The following PSMD11 variants were observed in gnomAD, a reference collection of about 807,000 sequenced individuals.
PSMD11 encodes the protein proteasome 26S subunit, non-ATPase 11, also known as 26S proteasome non-ATPase regulatory subunit 11.
A neutral mutation model predicts 62.3 loss-of-function variants in PSMD11; 5 were observed. That is an observed-to-expected ratio of 0.08 (90% confidence interval 0.04 to 0.17). The LOEUF (loss-of-function observed/expected upper bound fraction) is 0.17. PSMD11 is among the 10% of genes least tolerant of loss of function. The probability of loss-of-function intolerance (pLI) is 1.00; values close to 1 mark genes in which losing one functional copy is unlikely to be tolerated. For missense variants in PSMD11, 310 were observed against 512.9 expected, an observed-to-expected ratio of 0.60 and a Z score of 3.82; for synonymous variants, 191 against 191.8, an observed-to-expected ratio of 1.00 and a Z score of 0.03.
intron 6 of PSMD11, 82 bp downstream of exon 6, chr17:32,469,275 G>A (rs1408658767): frequency 1.8e-5 from 25 of 1,414,134 alleles, no homozygotes; most frequent in Admixed American, 2.4e-5. Flanking sequence ...GGTTGGGGCT[G>A]GAGAATAAAA....
At position 32,454,724 on chromosome 17, in the gene PSMD11, G is replaced by T. The variant is rs1005296702; in HGVS notation, c.318+105G>T. Reference sequence around the variant, plus strand: ...GTACTAATGTGGAAGGGAAAACTGGGAGGACAGCGCAGGACTTATCATGTC... The same window carrying T: ...GTACTAATGTGGAAGGGAAAACTGGTAGGACAGCGCAGGACTTATCATGTC... On this transcript the variant is annotated intron_variant, in intron 3 of 13. Coordinates refer to ENST00000261712, the MANE Select transcript of PSMD11 (RefSeq NM_002815.4). 8.7e-6 allele frequency: 11 copies of T among 1,261,370 alleles called. 1 individual carries two copies. In the Admixed American group the frequency reaches 1.8e-4, roughly 21 times the overall value. 78.1% of individuals were successfully genotyped at this position (1,261,370 alleles called of 1,614,324 possible).
At chr17:32,457,583 A>G (rs1045865495) in intron 3 of PSMD11, among the ~76,000 whole-genome samples, 1 of 152,126 alleles carries the variant, frequency 6.6e-6, no homozygotes, top group Non-Finnish European at 1.5e-5. Flanking sequence ...ATCATGAACC[A>G]GAGTCTTATT....
At chr17:32,448,322 G>C (rs1907389404) in intron 2 of PSMD11, among the ~76,000 whole-genome samples, 1 of 151,802 alleles carries the variant, frequency 6.6e-6, no homozygotes, top group South Asian at 2.1e-4. Flanking sequence ...GCTATAAAAA[G>C]AACCATCCAT....
chr17:32,444,514 G>C lies in PSMD11; in HGVS notation c.-10G>C. The stretch of plus-strand genomic sequence containing the variant: ...GCGGCCGCGGCCGGGGACGGTGTGA[G>C]AGCGGTAAGATGGCGGCGGCGGCGG... On this transcript the variant is annotated 5_prime_UTR_variant, in exon 1 of 14. Coordinates refer to ENST00000261712, the MANE Select transcript of PSMD11 (RefSeq NM_002815.4). 6.3e-7 allele frequency: 1 copy of C among 1,587,170 alleles called. No individual in the cohort carries two copies. Among genetic ancestry groups the C allele is most frequent in the Non-Finnish European group, 8.6e-7 (1 of 1,167,844 alleles).
At chr17:32,470,210 G>T (rs919844509) in intron 6 of PSMD11, among the ~76,000 whole-genome samples, 7 of 151,778 alleles carry the variant, frequency 4.6e-5, no homozygotes, top group African/African-American at 1.7e-4. Context: ...TCGCCATGTT[G>T]CCCAGACTGG....
chr17:32,476,627 T>C (rs149233675), intron 8 of PSMD11: 20 of 152,348 alleles, frequency 1.3e-4, no homozygotes, highest in African/African-American at 4.8e-4. Context: ...CCCAGAAAGA[T>C]GAGTGTTGCA....
intron 2 of PSMD11, among the ~76,000 whole-genome samples, chr17:32,450,473 G>A (rs1907461050): frequency 6.7e-6 from 1 of 148,226 alleles, no homozygotes; most frequent in African/African-American, 2.5e-5. Flanking sequence ...CACCATGTTG[G>A]CCAGGCTGGT....
chr17:32,465,245 T>C (rs1188837939), intron 5 of PSMD11, among the ~76,000 whole-genome samples: 2 of 152,154 alleles, frequency 1.3e-5, no homozygotes, highest in Non-Finnish European at 2.9e-5. Context: ...TTTAGCCTCC[T>C]GAGTAGCTGG....
intron 1 of PSMD11, chr17:32,445,663 A>G (rs1187200855): frequency 1.3e-5 from 2 of 152,212 alleles, no homozygotes; most frequent in African/African-American, 4.8e-5. Context: ...GTTTGGGAAG[A>G]TCTGAATTGG....
chr17:32,464,388 G>A (rs577612654), intron 4 of PSMD11, 133 bp from the exon 5 acceptor site: 49 of 769,700 alleles, frequency 6.4e-5, no homozygotes, highest in Non-Finnish European at 9.1e-5. Flanking sequence ...TGGCTAGATC[G>A]TCTCTTATGC....
chr17:32,454,470 T>G lies in PSMD11; in HGVS notation c.194-25T>G, dbSNP rs753187420. The G allele has an allele frequency of 5.0e-6, 8 of 1,609,628 alleles. No homozygotes were observed. The Admixed American group carries it at 1.4e-4, about 27-fold the overall frequency. Reference sequence around the variant, plus strand: ...TGTCTCAAATGTTGATGTTTACTCCTCTTTTTGAATTGCCTTTCCTACAGA... The same window carrying G: ...TGTCTCAAATGTTGATGTTTACTCCGCTTTTTGAATTGCCTTTCCTACAGA... On this transcript the variant is annotated intron_variant, in intron 2 of 13. Transcript: ENST00000261712.
intron 9 of PSMD11, among the ~76,000 whole-genome samples, chr17:32,478,408 A>G (rs1391907585): frequency 6.6e-6 from 1 of 152,178 alleles, no homozygotes; most frequent in African/African-American, 2.4e-5. Context: ...AGCTGACATG[A>G]GGCTGGGATG....
intron 3 of PSMD11, among the ~76,000 whole-genome samples, chr17:32,461,242 T>A (rs1257546343): frequency 6.6e-6 from 1 of 151,988 alleles, no homozygotes; most frequent in Non-Finnish European, 1.5e-5. Flanking sequence ...CACACCCTGC[T>A]AATTTTTTGT....
chr17:32,473,322 G>A (rs1908225896), intron 6 of PSMD11, among the ~76,000 whole-genome samples: 1 of 151,442 alleles, frequency 6.6e-6, no homozygotes, highest in African/African-American at 2.4e-5. Flanking sequence ...TGTTGCCCAG[G>A]CTGGAGTGCA....
chr17:32,444,889 C>T, intron 1 of PSMD11: 1 of 514,656 alleles, frequency 1.9e-6, no homozygotes, highest in Non-Finnish European at 3.4e-6. Context: ...GCCGGGCCCC[C>T]GGGGATCCCT....
intron 3 of PSMD11, 37 bp downstream of exon 3, chr17:32,454,656 A>G: frequency 6.2e-7 from 1 of 1,601,188 alleles, no homozygotes; most frequent in Non-Finnish European, 8.5e-7. Flanking sequence ...GACAATATGG[A>G]GAAAAGTTTG....
In PSMD11 at chr17:32,474,552, A is replaced by G. The variant is rs192606232; in HGVS notation, c.789-212A>G. Among the ~76,000 whole-genome samples the G allele has an allele frequency of 2.0e-3, 305 of 152,140 alleles. 2 individuals are homozygous for G. The highest frequency in any genetic ancestry group is 6.7e-3 in the African/African-American group (276 of 41,490). On this transcript the variant is annotated intron_variant, in intron 7 of 13. Transcript: ENST00000261712. Reference sequence around the variant, plus strand: ...GTTCAGTTCAGCTTTCTAACATTGGAGTTTTTCTACTCTTCAGGCTGAGCT... The same window carrying G: ...GTTCAGTTCAGCTTTCTAACATTGGGGTTTTTCTACTCTTCAGGCTGAGCT...
At chr17:32,465,272 C>T (rs1230011851) in intron 5 of PSMD11, among the ~76,000 whole-genome samples, 2 of 152,074 alleles carry the variant, frequency 1.3e-5, no homozygotes, top group Non-Finnish European at 2.9e-5. Flanking sequence ...AGGCATGTGC[C>T]TGGCTAATTT....
Position 32,468,980 on chromosome 17 carries a change from A to C in PSMD11, c.449-19A>C. The C allele has an allele frequency of 6.2e-7, 1 of 1,610,132 alleles. No individual in the cohort carries two copies. Among genetic ancestry groups the C allele is most frequent in the Non-Finnish European group, 8.5e-7 (1 of 1,178,046 alleles). On this transcript the variant is annotated intron_variant, in intron 5 of 13. Coordinates refer to ENST00000261712, the MANE Select transcript of PSMD11 (RefSeq NM_002815.4). ...ATTAAGCTGATGGCTATAAAGGAGA[A>C]TGTCTTTTCCTTTTTCAGGTTCTCA... is the stretch of plus-strand genomic sequence containing the variant.
Sources: gnomAD v4.1 joint callset for allele counts (sites outside exome capture counted in the v4.1 genomes callset) on GRCh38, gnomAD v4.1.1 for gene constraint, MANE v1.5 for transcripts, NCBI Gene and HGNC (gene_info 2026-07-23, HGNC 2026-07-21) for gene names.